MATN1: variants seen among roughly 807,000 people sequenced by gnomAD.
The protein encoded by MATN1 is matrilin 1.
Under a neutral mutation model 41.3 loss-of-function variants are expected in MATN1, and 34 were observed. The ratio of observed to expected loss-of-function variants is 0.82; its 90% CI spans 0.63 to 1.10. The LOEUF is 1.10. MATN1 is among the 50% of genes least tolerant of loss of function. The pLI is 0.00. For missense variants in MATN1, 602 were observed against 662.4 expected, an observed-to-expected ratio of 0.91 and a Z score of 1.00; for synonymous variants, 264 against 278.7, an observed-to-expected ratio of 0.95 and a Z score of 0.53.
chr1:30,723,560 C>G lies in MATN1; in HGVS notation c.-9G>C, dbSNP rs1380955837. 1 of 1,529,766 alleles carries G rather than the reference C, an allele frequency of 6.5e-7. No individual in the cohort carries two copies. The highest frequency in any genetic ancestry group is 8.8e-7 in the Non-Finnish European group (1 of 1,136,516). The allele number at this position is 1,529,766 out of a possible 1,614,324, so 94.8% of individuals were successfully genotyped here. On this transcript the variant is annotated 5_prime_UTR_variant, in exon 1 of 8. Transcript: ENST00000373765. ...CCAGAGAGGACCCTCATAGTTCTGGCAGCACGGGCAGCAGCCGGCACGGTT... is the reference window on the plus strand; with the variant it reads ...CCAGAGAGGACCCTCATAGTTCTGGGAGCACGGGCAGCAGCCGGCACGGTT...
rs561529257 is a variant in MATN1, at chr1:30,718,751, G to C, written c.648C>G (p.Phe216Leu). ...CCCGCGCACCGCAGAAGGCCTCCTG[G>C]AACTTCCTGGACAGCTTCTCGATGA... is the stretch of plus-strand genomic sequence containing the variant. ...YSVIEKLSRK[F>L]QEAFCVVSDL... The change falls in exon 3 of 8, where the codon TTC becomes TTG. Residue 216 changes from phenylalanine (F) to leucine (L), a missense_variant. Coordinates refer to ENST00000373765, the MANE Select transcript of MATN1 (RefSeq NM_002379.3). The C allele has an allele frequency of 1.9e-6, 3 of 1,588,416 alleles. No homozygotes were observed. In the South Asian group the frequency reaches 3.4e-5, roughly 18 times the overall value.
rs769383820 is a variant in MATN1, at chr1:30,718,894, G to C, written c.505C>G (p.Arg169Gly). The change falls in exon 3 of 8, where the codon CGG becomes GGG. Residue 169 changes from arginine to glycine, a missense_variant. By Grantham distance (125) the Arg-to-Gly change is moderately radical. Transcript: ENST00000373765. Reference protein sequence around the residue: ...DSVQDVSARARASGVELFAIG... With the variant: ...DSVQDVSARAGASGVELFAIG... Reference sequence around the variant, plus strand: ...GCGAACAGCTCGACGCCGCTGGCCCGGGCCCGCGCAGACACGTCCTGCACG... The same window carrying C: ...GCGAACAGCTCGACGCCGCTGGCCCCGGCCCGCGCAGACACGTCCTGCACG... 2 of 1,586,258 alleles carry C rather than the reference G, an allele frequency of 1.3e-6. No individual in the cohort carries two copies. Among genetic ancestry groups the C allele is most frequent in the African/African-American group, 2.7e-5 (2 of 74,306 alleles).
chr1:30,716,625 G>T (rs936205848), intron 4 of MATN1, among the ~76,000 whole-genome samples, 165 bp downstream of exon 4: 4 of 152,254 alleles, frequency 2.6e-5, no homozygotes, highest in Non-Finnish European at 5.9e-5. Context: ...AGGGACAGAA[G>T]TCAGGTGAGA....
chr1:30,713,426 TACAC>T lies in MATN1; in HGVS notation c.*152_*155del, dbSNP rs1394665734. 5.9e-6 allele frequency: 4 copies of T among 678,132 alleles called. No individual in the cohort carries two copies. The highest frequency in any genetic ancestry group is 3.5e-5 in the South Asian group (2 of 57,854). 42.0% of individuals were successfully genotyped at this position (678,132 alleles called of 1,614,324 possible). On this transcript the variant is annotated 3_prime_UTR_variant, in exon 8 of 8. Coordinates refer to ENST00000373765, the MANE Select transcript of MATN1 (RefSeq NM_002379.3). ...ATGCACACATACACACACGCACACATACACACACGAGCTCCCAAACGCCATTACA... is the reference window on the plus strand; with the variant it reads ...ATGCACACATACACACACGCACACATACACGAGCTCCCAAACGCCATTACA...
At chr1:30,715,420 C>T in intron 5 of MATN1, 111 bp from the exon 6 acceptor site, 1 of 999,690 alleles carries the variant, frequency 1.0e-6, no homozygotes, top group Non-Finnish European at 1.5e-6. Flanking sequence ...CTGCTGGCAG[C>T]TGCTGGAATT....
rs1255535902 is a variant in MATN1, at chr1:30,716,872, C to T, written c.708G>A (p.Gln236=). The change falls in exon 4 of 8, where the codon CAG becomes CAA. Residue 236 remains glutamine, a synonymous_variant. Coordinates refer to ENST00000373765, the MANE Select transcript of MATN1 (RefSeq NM_002379.3). The stretch of plus-strand genomic sequence containing the variant: ...AGGAACCGGGGGAGCTGATGCACAC[C>T]TGCTCACAGTCATGGTCCCCTGTGG... ...LCATGDHDCE[Q]VCISSPGSYT... 1.9e-6 allele frequency: 3 copies of T among 1,613,844 alleles called. No homozygotes were observed. Among genetic ancestry groups the T allele is most frequent in the Non-Finnish European group, 1.7e-6 (2 of 1,179,912 alleles).
intron 7 of MATN1, 170 bp downstream of exon 7, chr1:30,714,077 C>T: frequency 4.8e-6 from 3 of 619,746 alleles, no homozygotes; most frequent in East Asian, 2.7e-5. Context: ...CTGCTTTTGA[C>T]AGGGTGTGCA....
Position 30,718,785 on chromosome 1 carries a change from C to G in MATN1, c.614G>C (p.Ser205Thr). The G allele has an allele frequency of 1.2e-6, 2 of 1,610,398 alleles. No homozygotes were observed. The highest frequency in any genetic ancestry group is 1.7e-6 in the Non-Finnish European group (2 of 1,178,522). ...GGACAGCTTCTCGATGACGCTGTAG[C>G]TCTCCACGTAATCGACGTGTTCGTC... ...PQDEHVDYVESYSVIEKLSRK... is the reference protein window; with the variant it reads ...PQDEHVDYVETYSVIEKLSRK... The change falls in exon 3 of 8, where the codon AGC becomes ACC. Residue 205 changes from serine to threonine, a missense_variant. Transcript: ENST00000373765.
In MATN1 at chr1:30,711,919, CAG is replaced by C. The variant is rs1639549029; in HGVS notation, c.*1661_*1662del. 6.6e-6 allele frequency: 1 copy of C among 152,432 alleles called. No homozygotes were observed. 9.4% of individuals were successfully genotyped at this position (152,432 alleles called of 1,614,324 possible). On this transcript the variant is annotated 3_prime_UTR_variant, in exon 8 of 8. Coordinates refer to ENST00000373765, the MANE Select transcript of MATN1 (RefSeq NM_002379.3). ...GAAAAACTCCTGCCCCAGGGACGGACAGAGAGAAAGGGTTTGGTGAACTGTGT... is the reference window on the plus strand; with the variant it reads ...GAAAAACTCCTGCCCCAGGGACGGACAGAGAAAGGGTTTGGTGAACTGTGT...
chr1:30,714,216 C>A (rs1639588698), intron 7 of MATN1, 31 bp downstream of exon 7: 2 of 1,558,848 alleles, frequency 1.3e-6, no homozygotes, highest in Non-Finnish European at 1.7e-6. Flanking sequence ...TGCGCCCCTC[C>A]CCAGCCCCAG....
At chr1:30,714,938 T>C (rs1284015326) in intron 6 of MATN1, among the ~76,000 whole-genome samples, 8 of 152,184 alleles carry the variant, frequency 5.3e-5, no homozygotes, top group Non-Finnish European at 1.2e-4. Context: ...GATGATGTAA[T>C]ATCCGGAGAG....
rs760088366 is a variant in MATN1, at chr1:30,715,163, AG to A, written c.1353del (p.Cys452ValfsTer13). 3.7e-6 allele frequency: 6 copies of A among 1,614,088 alleles called. No homozygotes were observed. The highest frequency in any genetic ancestry group is 5.1e-6 in the Non-Finnish European group (6 of 1,179,996). Reference sequence around the variant, plus strand: ...CAGCCCTGGCCTCACTCACCCACACAGATCTTCTTCTGCAACTTCTTGCCTA... The same window carrying A: ...CAGCCCTGGCCTCACTCACCCACACAATCTTCTTCTGCAACTTCTTGCCTA... ...NQIGKKLQKK[I>X]CVEEDPCACE... On this transcript the variant is annotated frameshift_variant, in exon 6 of 8. Transcript: ENST00000373765. LOFTEE classifies it high-confidence loss of function.
At chr1:30,713,704 C>A in intron 7 of MATN1, 73 bp from the exon 8 acceptor site, 3 of 1,169,552 alleles carry the variant, frequency 2.6e-6, no homozygotes, top group Non-Finnish European at 1.3e-6. Flanking sequence ...TGCACTCAGG[C>A]CCCTGCAACA....
chr1:30,716,978 T>G (rs2124154148), intron 3 of MATN1, 63 bp from the exon 4 acceptor site: 5,969 of 1,444,382 alleles, frequency 4.1e-3, no homozygotes, highest in Non-Finnish European at 5.1e-3. Context: ...ACAGACAGGT[T>G]GTCCCTCCCT....
intron 1 of MATN1, 32 bp downstream of exon 1, chr1:30,723,407 GGGTCAGGGCCCACTAGCTC>G (rs1639720455): frequency 1.5e-6 from 2 of 1,363,644 alleles, no homozygotes; most frequent in Non-Finnish European, 2.0e-6. Flanking sequence ...CCAGTGCTGA[GGGTCAGGGCCCACTAGCTC>G]AGTAGCCCCC....
intron 4 of MATN1, among the ~76,000 whole-genome samples, chr1:30,716,528 G>A (rs983758429): frequency 6.6e-6 from 1 of 152,228 alleles, no homozygotes; most frequent in South Asian, 2.1e-4. Flanking sequence ...AGATCACACA[G>A]CTCAGAAGTG....
At position 30,716,215 on chromosome 1, in the gene MATN1, T is replaced by C; in HGVS notation, c.901A>G (p.Ile301Val). 1 of 1,613,022 alleles carries C rather than the reference T, an allele frequency of 6.2e-7. No homozygotes were observed. Among genetic ancestry groups the C allele is most frequent in the Non-Finnish European group, 8.5e-7 (1 of 1,179,000 alleles). ...TCTGACACGTCCAGCGTATCCACGA[T>C]CTGACTGATGAACTTCTTCACCAGC... The part of the protein sequence containing the change: ...FELVKKFISQ[I>V]VDTLDVSDKL... The change falls in exon 5 of 8, where the codon ATC (isoleucine) becomes GTC (valine). Residue 301 changes from isoleucine (I) to valine (V), a missense_variant. By Grantham distance (29) the Ile-to-Val change is conservative. Coordinates refer to ENST00000373765, the MANE Select transcript of MATN1 (RefSeq NM_002379.3).
chr1:30,715,053 C>T (rs1191512430), intron 6 of MATN1, 104 bp downstream of exon 6: 7 of 1,414,374 alleles, frequency 4.9e-6, no homozygotes, highest in Admixed American at 1.9e-5. Context: ...CTTGGTGCCA[C>T]CTCGGCCCCT....
At chr1:30,715,393 C>A in intron 5 of MATN1, 84 bp from the exon 6 acceptor site, 1 of 1,385,614 alleles carries the variant, frequency 7.2e-7, no homozygotes, top group Non-Finnish European at 1.0e-6. Context: ...GCTTAGGCAG[C>A]CAACACCAGA....
Sources: gnomAD v4.1 joint callset for allele counts (sites outside exome capture counted in the v4.1 genomes callset) on GRCh38, gnomAD v4.1.1 for gene constraint, MANE v1.5 for transcripts, NCBI Gene and HGNC (gene_info 2026-07-23, HGNC 2026-07-21) for gene names.